The following SLCO6A1 variants were observed in gnomAD, a reference collection of about 807,000 sequenced individuals.
SLCO6A1 encodes solute carrier organic anion transporter family member 6A1, also known as cancer/testis antigen 48.
Under a neutral mutation model 72.7 loss-of-function variants are expected in SLCO6A1, and 65 were observed. The ratio of observed to expected loss-of-function variants is 0.89; its 90% confidence interval spans 0.73 to 1.10. The LOEUF (loss-of-function observed/expected upper bound fraction) is 1.10. Among genes scored for constraint, SLCO6A1 ranks in the 50% least tolerant of loss-of-function variants. SLCO6A1 has a pLI of 0.00. For synonymous variants in SLCO6A1, 314 were observed against 298.2 expected, an observed-to-expected ratio of 1.05 and a Z score of -0.55; for missense variants, 874 against 872.6, an observed-to-expected ratio of 1.00 and a Z score of -0.02.
At chr5:102,400,977 A>G (rs1266800887) in intron 9 of SLCO6A1, among the ~76,000 whole-genome samples, 1 of 152,068 alleles carries the variant, frequency 6.6e-6, no homozygotes, top group East Asian at 1.9e-4. Flanking sequence ...GGGAGACAGG[A>G]CATTTTAAAA....
intron 2 of SLCO6A1, among the ~76,000 whole-genome samples, chr5:102,478,677 A>T (rs1752036249): frequency 6.6e-6 from 1 of 152,120 alleles, no homozygotes; most frequent in African/African-American, 2.4e-5. Context: ...TGTGTAATTA[A>T]ATTTGTTTGT....
intron 7 of SLCO6A1, among the ~76,000 whole-genome samples, chr5:102,436,881 C>G (rs957044359): frequency 9.9e-5 from 15 of 152,152 alleles, no homozygotes; most frequent in African/African-American, 3.6e-4. Context: ...CTAAACCAGC[C>G]TCATAACTAT....
chr5:102,497,785 C>T (rs1752972913), intron 1 of SLCO6A1, among the ~76,000 whole-genome samples: 1 of 152,102 alleles, frequency 6.6e-6, no homozygotes, highest in South Asian at 2.1e-4. Flanking sequence ...TGAAAAGATC[C>T]CCTTGTTGCC....
chr5:102,411,790 T>C (rs1034974788), intron 9 of SLCO6A1, among the ~76,000 whole-genome samples: 1 of 152,156 alleles, frequency 6.6e-6, no homozygotes, highest in Non-Finnish European at 1.5e-5. Context: ...CATGTTTCTT[T>C]GTCATATTTT....
At chr5:102,406,405 T>A (rs533997333) in intron 9 of SLCO6A1, among the ~76,000 whole-genome samples, 1 of 152,210 alleles carries the variant, frequency 6.6e-6, no homozygotes, top group Non-Finnish European at 1.5e-5. Context: ...AAATGAATAG[T>A]TCATCAAAAA....
Position 102,455,968 on chromosome 5 carries a change from C to T in SLCO6A1, c.1131+2414G>A, listed in dbSNP as rs149439906. ...GGTACAACATATGCAAATCAATAAA[C>T]ATAATCCAGCATATAAAGAGAACCA... On this transcript the variant is annotated intron_variant, in intron 6 of 13. Coordinates refer to ENST00000506729, the MANE Select transcript of SLCO6A1 (RefSeq NM_173488.5). Among the ~76,000 whole-genome samples the T allele has an allele frequency of 5.2e-3, 788 of 152,258 alleles. 8 individuals carry two copies. The highest frequency in any genetic ancestry group is 0.018 in the African/African-American group (756 of 41,552).
chr5:102,420,339 T>G (rs889690147), intron 7 of SLCO6A1, among the ~76,000 whole-genome samples: 1 of 152,208 alleles, frequency 6.6e-6, no homozygotes, highest in African/African-American at 2.4e-5. Flanking sequence ...GCTGTCTTAT[T>G]GAGATCTATT....
intron 7 of SLCO6A1, among the ~76,000 whole-genome samples, chr5:102,422,171 C>T (rs1748644246): frequency 6.6e-6 from 1 of 152,124 alleles, no homozygotes; most frequent in Non-Finnish European, 1.5e-5. Context: ...GAGGAAAAAC[C>T]AGTGCAAAAA....
At chr5:102,449,856 A>G (rs528973763) in intron 6 of SLCO6A1, among the ~76,000 whole-genome samples, 1 of 152,142 alleles carries the variant, frequency 6.6e-6, no homozygotes, top group Non-Finnish European at 1.5e-5. Context: ...ATTTTGTAAA[A>G]TTCTTTTTTA....
intron 1 of SLCO6A1, among the ~76,000 whole-genome samples, chr5:102,484,945 A>G (rs1472174799): frequency 6.6e-6 from 1 of 152,176 alleles, no homozygotes; most frequent in East Asian, 1.9e-4. Context: ...TTAACTGAAC[A>G]GGACTGGGTT....
chr5:102,395,048 T>C (rs1746987749), intron 10 of SLCO6A1, among the ~76,000 whole-genome samples: 1 of 152,178 alleles, frequency 6.6e-6, no homozygotes, highest in Non-Finnish European at 1.5e-5. Context: ...AAAAAATTTG[T>C]TTTTATTATA....
At chr5:102,433,544 G>A (rs1749334158) in intron 7 of SLCO6A1, among the ~76,000 whole-genome samples, 1 of 152,142 alleles carries the variant, frequency 6.6e-6, no homozygotes, top group Admixed American at 6.5e-5. Context: ...CTCAGCTCAG[G>A]ACTCCTGGAC....
chr5:102,497,096 C>G (rs1159917686), intron 1 of SLCO6A1, among the ~76,000 whole-genome samples: 1 of 152,096 alleles, frequency 6.6e-6, no homozygotes, highest in East Asian at 1.9e-4. Flanking sequence ...AAAAAGAGAA[C>G]AGGTTTGTCA....
chr5:102,497,690 A>G (rs1006635376), intron 1 of SLCO6A1, among the ~76,000 whole-genome samples: 1 of 152,230 alleles, frequency 6.6e-6, no homozygotes, highest in Admixed American at 6.5e-5. Context: ...CTCCTTGTTC[A>G]TTCCTGGGCT....
rs1417723499 is a variant in SLCO6A1, at chr5:102,498,527, G to A, written c.318C>T (p.Arg106=). 3 of 1,614,000 alleles carry A rather than the reference G, an allele frequency of 1.9e-6. No homozygotes were observed. The African/African-American group carries it at 4.0e-5, about 22-fold the overall frequency. ...STCCECCNNI[R]CFMIFYCILL... Reference sequence around the variant, plus strand: ...GGATGCAGTAGAAAATCATGAAGCAGCGAATGTTATTGCAACACTCACAGC... The same window carrying A: ...GGATGCAGTAGAAAATCATGAAGCAACGAATGTTATTGCAACACTCACAGC... Residue 106 remains arginine (R), a synonymous_variant, in exon 1 of 14, where the codon CGC becomes CGT. Transcript: ENST00000506729.
chr5:102,459,795 G>C lies in SLCO6A1; in HGVS notation c.900-18C>G. The C allele has an allele frequency of 1.5e-6, 2 of 1,338,702 alleles. No individual in the cohort carries two copies. The highest frequency in any genetic ancestry group is 9.9e-7 in the Non-Finnish European group (1 of 1,010,062). The allele number at this position is 1,338,702 out of a possible 1,614,324, so 82.9% of individuals were successfully genotyped here. On this transcript the variant is annotated intron_variant, in intron 4 of 13. Coordinates refer to ENST00000506729, the MANE Select transcript of SLCO6A1 (RefSeq NM_173488.5). ...CTGTAGTGCTTTAATAAAGAAAAGTGAAAAAAAAAAGCAACTTTAGGTATT... is the reference window on the plus strand; with the variant it reads ...CTGTAGTGCTTTAATAAAGAAAAGTCAAAAAAAAAAGCAACTTTAGGTATT...
At chr5:102,389,445 G>GCACCCCCCCC (rs1554065620) in intron 11 of SLCO6A1, among the ~76,000 whole-genome samples, 1 of 35,166 alleles carries the variant, frequency 2.8e-5, no homozygotes. Context: ...CACACACCCC[G>GCACCCCCCCC]CCCCCCACCC....
At chr5:102,490,037 G>T (rs1252432494) in intron 1 of SLCO6A1, among the ~76,000 whole-genome samples, 1 of 152,166 alleles carries the variant, frequency 6.6e-6, no homozygotes, top group Admixed American at 6.5e-5. Flanking sequence ...ATCTAAAAAG[G>T]TTGATCTTAC....
chr5:102,399,515 T>A, intron 10 of SLCO6A1, 40 bp downstream of exon 10: 1 of 1,194,576 alleles, frequency 8.4e-7, no homozygotes, highest in East Asian at 3.1e-5. Context: ...ACTTTTCTTA[T>A]ATATTAAATA....
Sources: gnomAD v4.1 joint callset for allele counts (sites outside exome capture counted in the v4.1 genomes callset) on GRCh38, gnomAD v4.1.1 for gene constraint, MANE v1.5 for transcripts, NCBI Gene and HGNC (gene_info 2026-07-23, HGNC 2026-07-21) for gene names.